The following ERC2 variants were observed in gnomAD, a reference collection of about 807,000 sequenced individuals.
ERC2 encodes the protein ELKS/RAB6-interacting/CAST family member 2, also known as ERC protein 2.
In ERC2, 42 loss-of-function variants were observed where a neutral mutation model predicts 114.8. That is an observed-to-expected ratio of 0.37 (90% CI 0.29 to 0.47). The LOEUF is 0.47. ERC2 is among the 20% of genes least tolerant of loss of function. The probability of loss-of-function intolerance (pLI) is 0.99; values close to 1 mark genes in which losing one functional copy is unlikely to be tolerated. For missense variants in ERC2, 939 were observed against 1,150.7 expected (o/e 0.82, Z 2.66); for synonymous variants, 454 against 425.5 (o/e 1.07, Z -0.82).
At chr3:55,944,314 T>A (rs2066995511) in intron 13 of ERC2, among the ~76,000 whole-genome samples, 1 of 152,238 alleles carries the variant, frequency 6.6e-6, no homozygotes, top group Non-Finnish European at 1.5e-5. Flanking sequence ...AAAAGAATAA[T>A]GAACCCCACT....
At chr3:56,121,978 C>T (rs2079606053) in intron 6 of ERC2, among the ~76,000 whole-genome samples, 2 of 152,202 alleles carry the variant, frequency 1.3e-5, no homozygotes, top group Admixed American at 1.3e-4. Flanking sequence ...CAGAGACACA[C>T]TACTGCACAA....
intron 14 of ERC2, among the ~76,000 whole-genome samples, chr3:55,864,274 T>G (rs1358603318): frequency 6.7e-6 from 1 of 149,744 alleles, no homozygotes; most frequent in Non-Finnish European, 1.5e-5. Context: ...TGTGTATGTG[T>G]GTGTTTATAT....
chr3:55,846,719 C>G (rs1042046140), intron 14 of ERC2, among the ~76,000 whole-genome samples: 2 of 150,476 alleles, frequency 1.3e-5, no homozygotes, highest in African/African-American at 4.9e-5. Flanking sequence ...CTCTCTCTCT[C>G]TGCATTGGTT....
rs552012009 is a variant in ERC2 at position 55,707,313 on chromosome 3, C to T, written c.2713-7801G>A. On this transcript the variant is annotated intron_variant, in intron 15 of 17. Transcript: ENST00000288221. Reference sequence around the variant, plus strand: ...AATAAGCTAAGTGTGGTGGTGCATGCCTGTAGTCCCAGCTACTTGGGAGGC... The same window carrying T: ...AATAAGCTAAGTGTGGTGGTGCATGTCTGTAGTCCCAGCTACTTGGGAGGC... Among the ~76,000 whole-genome samples, 5 of 152,236 alleles carry T rather than the reference C, an allele frequency of 3.3e-5. No individual in the cohort carries two copies. The South Asian group carries it at 8.3e-4, about 25-fold the overall frequency.
intron 14 of ERC2, among the ~76,000 whole-genome samples, chr3:55,790,354 T>C (rs2069894174): frequency 6.6e-6 from 1 of 152,186 alleles, no homozygotes; most frequent in South Asian, 2.1e-4. Flanking sequence ...TCTATTCTCC[T>C]GTAGCCCCCC....
At chr3:55,942,078 G>A (rs1012379442) in intron 13 of ERC2, among the ~76,000 whole-genome samples, 2 of 152,040 alleles carry the variant, frequency 1.3e-5, no homozygotes, top group Non-Finnish European at 2.9e-5. Flanking sequence ...ATCAAAGGTA[G>A]TCTTACCTTA....
intron 14 of ERC2, among the ~76,000 whole-genome samples, chr3:55,789,926 T>TA (rs2069849781): frequency 6.6e-6 from 1 of 152,122 alleles, no homozygotes; most frequent in African/African-American, 2.4e-5. Context: ...AAGAGGCTGT[T>TA]CTATTGGACA....
intron 14 of ERC2, among the ~76,000 whole-genome samples, chr3:55,811,498 G>A (rs951470621): frequency 1.3e-5 from 2 of 152,168 alleles, no homozygotes; most frequent in African/African-American, 4.8e-5. Context: ...CATGTTTTCA[G>A]CTCTTTGTCC....
At chr3:56,420,709 C>T (rs1296491091) in intron 2 of ERC2, among the ~76,000 whole-genome samples, 1 of 150,782 alleles carries the variant, frequency 6.6e-6, no homozygotes, top group Non-Finnish European at 1.5e-5. Flanking sequence ...CACGGTGAAA[C>T]CCCGTCTCTA....
intron 15 of ERC2, among the ~76,000 whole-genome samples, chr3:55,724,268 C>A (rs546521590): frequency 2.6e-5 from 4 of 152,272 alleles, no homozygotes; most frequent in Admixed American, 1.3e-4. Context: ...ACATGGTGGC[C>A]TCAGGTCATG....
At chr3:55,704,402 C>G (rs180935040) in intron 15 of ERC2, among the ~76,000 whole-genome samples, 2 of 152,178 alleles carry the variant, frequency 1.3e-5, no homozygotes, top group African/African-American at 4.8e-5. Context: ...ATAATAAGAT[C>G]TGTTGCTATG....
At chr3:55,808,743 A>ATATATAT (rs2059598300) in intron 14 of ERC2, among the ~76,000 whole-genome samples, 5 of 97,886 alleles carry the variant, frequency 5.1e-5, no homozygotes, top group South Asian at 6.7e-4. Context: ...ATATATATAT[A>ATATATAT]ACGTATAACT....
At chr3:56,213,994 C>T (rs904708838) in intron 3 of ERC2, among the ~76,000 whole-genome samples, 8 of 152,168 alleles carry the variant, frequency 5.3e-5, no homozygotes, top group African/African-American at 1.9e-4. Context: ...CACACCAAAA[C>T]CCCATCTGTA....
chr3:55,859,545 C>G (rs1325465974), intron 14 of ERC2, among the ~76,000 whole-genome samples: 1 of 152,034 alleles, frequency 6.6e-6, no homozygotes, highest in African/African-American at 2.4e-5. Context: ...CTTCATGATG[C>G]ATTGGCTCAG....
At chr3:55,918,617 A>G (rs1559869381) in intron 13 of ERC2, among the ~76,000 whole-genome samples, 1 of 151,972 alleles carries the variant, frequency 6.6e-6, no homozygotes, top group Non-Finnish European at 1.5e-5. Context: ...TCAGAGTCAA[A>G]GCCTTAAAAG....
chr3:55,813,951 A>G (rs2059812947), intron 14 of ERC2, among the ~76,000 whole-genome samples: 1 of 152,190 alleles, frequency 6.6e-6, no homozygotes, highest in South Asian at 2.1e-4. Flanking sequence ...TGGGAATGCT[A>G]CAAAACCCAC....
chr3:56,251,452 C>T (rs922890619), intron 3 of ERC2, among the ~76,000 whole-genome samples: 1 of 152,076 alleles, frequency 6.6e-6, no homozygotes, highest in African/African-American at 2.4e-5. Flanking sequence ...CTGATCTGCA[C>T]TCTCCTGGTA....
At chr3:55,520,005 T>C (rs984444451) in intron 17 of ERC2, among the ~76,000 whole-genome samples, 3 of 148,530 alleles carry the variant, frequency 2.0e-5, no homozygotes, top group Middle Eastern at 3.6e-3. Flanking sequence ...CAGTGAGCCA[T>C]GATTATGCCA....
At chr3:55,728,191 A>G (rs1478421332) in intron 15 of ERC2, among the ~76,000 whole-genome samples, 1 of 152,244 alleles carries the variant, frequency 6.6e-6, no homozygotes, top group Non-Finnish European at 1.5e-5. Flanking sequence ...AAAAGATAAC[A>G]CAATTATCTC....
Sources: gnomAD v4.1 joint callset for allele counts (sites outside exome capture counted in the v4.1 genomes callset) on GRCh38, gnomAD v4.1.1 for gene constraint, MANE v1.5 for transcripts, NCBI Gene and HGNC (gene_info 2026-07-23, HGNC 2026-07-21) for gene names.